Variants in CCSER1 observed in about 807,000 individuals in gnomAD.
The protein encoded by CCSER1 is coiled-coil serine rich protein 1, also known as serine-rich coiled-coil domain-containing protein 1.
Under a neutral mutation model 82.0 loss-of-function variants are expected in CCSER1, and 41 were observed. The observed-to-expected ratio is 0.50, with a 90% CI of 0.39 to 0.65. CCSER1 has a LOEUF of 0.65. Ranked by LOEUF, CCSER1 falls within the 30% of genes least tolerant of loss-of-function variation. CCSER1 has a pLI of 0.00. For synonymous variants in CCSER1, 414 were observed against 383.9 expected (o/e 1.08, Z -0.92); for missense variants, 1,119 against 1,064.2 (o/e 1.05, Z -0.72).
chr4:91,356,843 A>G (rs1237269057), intron 10 of CCSER1, among the ~76,000 whole-genome samples: 6 of 152,164 alleles, frequency 3.9e-5, no homozygotes, highest in Admixed American at 1.3e-4. Context: ...CAGGGACTTC[A>G]GGATACAGCA....
intron 9 of CCSER1, among the ~76,000 whole-genome samples, chr4:90,969,394 G>A (rs1237788952): frequency 6.6e-6 from 1 of 151,868 alleles, no homozygotes; most frequent in Admixed American, 6.6e-5. Context: ...AAAGAATTTT[G>A]AAAATAGCAA....
At position 91,507,741 on chromosome 4, in the gene CCSER1, T is replaced by TA. The variant is rs1759579422; in HGVS notation, c.2218-90824dup. 5.9e-5 allele frequency among the ~76,000 whole-genome samples: 9 copies of TA among 151,958 alleles called. No homozygotes were observed. In the South Asian group the frequency reaches 1.7e-3, roughly 28 times the overall value. The stretch of plus-strand genomic sequence containing the variant: ...CTTGATGCTGTCCTTAGAAGCAATT[T>TA]AAAAAAATTTTAATAAACTTCAATT... On this transcript the variant is annotated intron_variant, in intron 10 of 10. Transcript: ENST00000509176.
chr4:91,525,315 T>C (rs1418879832), intron 10 of CCSER1, among the ~76,000 whole-genome samples: 1 of 152,052 alleles, frequency 6.6e-6, no homozygotes, highest in African/African-American at 2.4e-5. Context: ...ATCCTTAAGA[T>C]TGATTATGTG....
intron 10 of CCSER1, among the ~76,000 whole-genome samples, chr4:91,575,995 T>C (rs1444940318): frequency 6.6e-6 from 1 of 151,936 alleles, no homozygotes; most frequent in African/African-American, 2.4e-5. Context: ...GCAATCCCAC[T>C]TCTGGATATA....
intron 4 of CCSER1, among the ~76,000 whole-genome samples, chr4:90,417,979 A>C (rs1401438701): frequency 6.6e-6 from 1 of 152,158 alleles, no homozygotes; most frequent in Non-Finnish European, 1.5e-5. Context: ...ATCTGATTAT[A>C]TAAAACTAAG....
At chr4:90,564,912 G>A (rs1042486884) in intron 5 of CCSER1, among the ~76,000 whole-genome samples, 21 of 151,922 alleles carry the variant, frequency 1.4e-4, no homozygotes, top group Non-Finnish European at 2.6e-4. Context: ...ACACTCTTTC[G>A]TAACTTACTA....
intron 10 of CCSER1, among the ~76,000 whole-genome samples, chr4:91,140,050 A>G (rs1373348230): frequency 3.3e-5 from 5 of 152,148 alleles, no homozygotes; most frequent in African/African-American, 4.8e-5. Context: ...CACAGAAATA[A>G]TGAAAAATGA....
intron 5 of CCSER1, among the ~76,000 whole-genome samples, chr4:90,611,320 C>T (rs1785472762): frequency 6.6e-6 from 1 of 152,230 alleles, no homozygotes; most frequent in Admixed American, 6.5e-5. Context: ...CTTTATTCTA[C>T]TCTCTTTCTT....
intron 8 of CCSER1, among the ~76,000 whole-genome samples, chr4:90,818,467 G>A (rs541963489): frequency 8.0e-4 from 121 of 152,040 alleles, no homozygotes; most frequent in African/African-American, 2.6e-3. Context: ...TAGTAGAGAC[G>A]AGGTTTCGCC....
intron 10 of CCSER1, among the ~76,000 whole-genome samples, chr4:91,236,104 A>C (rs1738985796): frequency 6.6e-6 from 1 of 152,220 alleles, no homozygotes; most frequent in African/African-American, 2.4e-5. Context: ...GTCTCTTACA[A>C]ATATCACTTA....
At chr4:91,234,308 C>G (rs1738838543) in intron 10 of CCSER1, among the ~76,000 whole-genome samples, 2 of 152,018 alleles carry the variant, frequency 1.3e-5, no homozygotes, top group Non-Finnish European at 2.9e-5. Context: ...TACTCTGATT[C>G]TAATGTAATT....
intron 9 of CCSER1, among the ~76,000 whole-genome samples, chr4:91,028,812 C>T (rs1157274923): frequency 6.6e-6 from 1 of 151,950 alleles, no homozygotes; most frequent in Non-Finnish European, 1.5e-5. Context: ...GAGACAGATG[C>T]AGTCATAACC....
chr4:91,199,350 A>C (rs1027982598), intron 10 of CCSER1, among the ~76,000 whole-genome samples: 4 of 152,142 alleles, frequency 2.6e-5, no homozygotes, highest in Admixed American at 2.6e-4. Flanking sequence ...TTAAGTATAA[A>C]GATGTAAATA....
intron 5 of CCSER1, among the ~76,000 whole-genome samples, chr4:90,602,939 C>T (rs73833297): frequency 0.026 from 3,913 of 152,150 alleles, 106 homozygotes; most frequent in African/African-American, 0.059. Context: ...TTTGTTATTC[C>T]GAAGTGCTTC....
At chr4:91,320,654 T>C (rs1423374505) in intron 10 of CCSER1, among the ~76,000 whole-genome samples, 1 of 152,056 alleles carries the variant, frequency 6.6e-6, no homozygotes, top group African/African-American at 2.4e-5. Flanking sequence ...GTATTTAATA[T>C]TTAAATGCAC....
intron 8 of CCSER1, among the ~76,000 whole-genome samples, chr4:90,884,636 C>T (rs1721849376): frequency 1.3e-5 from 2 of 151,914 alleles, no homozygotes; most frequent in Admixed American, 1.3e-4. Flanking sequence ...TTTGACAAAC[C>T]TGCTTAGTGA....
At chr4:91,364,075 T>A (rs1749445245) in intron 10 of CCSER1, among the ~76,000 whole-genome samples, 1 of 152,116 alleles carries the variant, frequency 6.6e-6, no homozygotes, top group African/African-American at 2.4e-5. Context: ...TGTAAGAATT[T>A]ACAAGAACTG....
rs546278731 is a variant in CCSER1 at position 90,957,259 on chromosome 4, G to A, written c.2172+33812G>A. On this transcript the variant is annotated intron_variant, in intron 9 of 10. Coordinates refer to ENST00000509176, the MANE Select transcript of CCSER1 (RefSeq NM_001145065.2). ...TGGGATTACAGGCCCCCCCCACCACGTCCAGCTAATTTTTTTGTTTTTAAT... is the reference window on the plus strand; with the variant it reads ...TGGGATTACAGGCCCCCCCCACCACATCCAGCTAATTTTTTTGTTTTTAAT... Among the ~76,000 whole-genome samples the A allele has an allele frequency of 7.3e-4, 97 of 132,842 alleles. 2 individuals are homozygous for A. The highest frequency in any genetic ancestry group is 1.4e-3 in the South Asian group (6 of 4,218). The allele number at this position is 132,842 out of a possible 152,430, so 87.1% of individuals were successfully genotyped here.
intron 10 of CCSER1, among the ~76,000 whole-genome samples, chr4:91,196,820 GC>G (rs1735478562): frequency 6.6e-6 from 1 of 152,150 alleles, no homozygotes; most frequent in Admixed American, 6.5e-5. Context: ...TTACTTAGCA[GC>G]ATACCTAAAT....
Sources: gnomAD v4.1 joint callset for allele counts (sites outside exome capture counted in the v4.1 genomes callset) on GRCh38, gnomAD v4.1.1 for gene constraint, MANE v1.5 for transcripts, NCBI Gene and HGNC (gene_info 2026-07-23, HGNC 2026-07-21) for gene names.